The following GTF2A1 variants were observed in gnomAD, a reference collection of about 807,000 sequenced individuals.
GTF2A1 encodes general transcription factor IIA subunit 1.
Under a neutral mutation model 54.1 loss-of-function variants are expected in GTF2A1, and 12 were observed. The ratio of observed to expected loss-of-function variants is 0.22; its 90% confidence interval spans 0.14 to 0.36. GTF2A1 has a LOEUF of 0.36. Ranked by LOEUF, GTF2A1 falls within the 10% of genes least tolerant of loss-of-function variation. GTF2A1 has a pLI of 1.00. For missense variants in GTF2A1, 335 were observed against 442.2 expected, an observed-to-expected ratio of 0.76 and a Z score of 2.17; for synonymous variants, 145 against 152.0, an observed-to-expected ratio of 0.95 and a Z score of 0.34.
At chr14:81,220,367 G>A (rs1283638880) in intron 1 of GTF2A1, 122 bp downstream of exon 1, 2 of 450,662 alleles carry the variant, frequency 4.4e-6, no homozygotes, top group Non-Finnish European at 6.9e-6. Context: ...CGGCGGCGGC[G>A]GCGGCCGCGC....
chr14:81,208,513 C>A (rs976300409), intron 2 of GTF2A1, among the ~76,000 whole-genome samples: 9 of 152,226 alleles, frequency 5.9e-5, no homozygotes, highest in Non-Finnish European at 1.2e-4. Context: ...AGCCCTTACA[C>A]AGAGTCCCTA....
intron 7 of GTF2A1, among the ~76,000 whole-genome samples, chr14:81,188,778 A>G (rs369416429): frequency 0.05 from 41 of 814 alleles, no homozygotes; most frequent in Admixed American, 0.43. Flanking sequence ...CTCTGTCTCG[A>G]AAAAAAAAAA....
chr14:81,212,392 G>A (rs1354193156), intron 2 of GTF2A1, among the ~76,000 whole-genome samples: 2 of 152,018 alleles, frequency 1.3e-5, no homozygotes, highest in African/African-American at 4.8e-5. Context: ...TGAAAACCAG[G>A]GCTGTATTTT....
chr14:81,185,729 T>C lies in GTF2A1; in HGVS notation c.934-109A>G, dbSNP rs1892730120. 1.1e-5 allele frequency: 6 copies of C among 545,492 alleles called. No homozygotes were observed. In the South Asian group the frequency reaches 1.6e-4, roughly 15 times the overall value. 33.8% of individuals were successfully genotyped at this position (545,492 alleles called of 1,614,324 possible). ...TTGAGAACCAAATGCCAAATGCATATATGTACGCCATGAATTTAATATTGT... is the reference window on the plus strand; with the variant it reads ...TTGAGAACCAAATGCCAAATGCATACATGTACGCCATGAATTTAATATTGT... On this transcript the variant is annotated intron_variant, in intron 7 of 8. Coordinates refer to ENST00000553612, the MANE Select transcript of GTF2A1 (RefSeq NM_015859.4).
chr14:81,194,698 A>C (rs56939581), intron 6 of GTF2A1, among the ~76,000 whole-genome samples: 6,400 of 152,318 alleles, frequency 0.042, 465 homozygotes, highest in African/African-American at 0.15. Context: ...TTTTGATGTA[A>C]ATGCAGCTAA....
At chr14:81,197,705 G>GT (rs1040256714) in intron 4 of GTF2A1, among the ~76,000 whole-genome samples, 8 of 152,196 alleles carry the variant, frequency 5.3e-5, no homozygotes, top group South Asian at 2.1e-4. Flanking sequence ...ATATAATTGG[G>GT]TTTTTTCCCC....
intron 1 of GTF2A1, among the ~76,000 whole-genome samples, 195 bp downstream of exon 1, chr14:81,220,294 G>C (rs1893597127): frequency 7.0e-6 from 1 of 143,852 alleles, no homozygotes; most frequent in African/African-American, 2.5e-5. Flanking sequence ...CGCGCCGCGA[G>C]CCCTCGGCGC....
Position 81,217,705 on chromosome 14 carries a change from T to C in GTF2A1, c.31-1191A>G, listed in dbSNP as rs1406890127. Among the ~76,000 whole-genome samples, 3 of 152,112 alleles carry C rather than the reference T, an allele frequency of 2.0e-5. No homozygotes were observed. The East Asian group carries it at 5.8e-4, about 29-fold the overall frequency. ...TGCTTGGGAGGCTGAGGTGGGAGGATGGCTTGAGCCCAGGAGGGAGAGGGT... is the reference window on the plus strand; with the variant it reads ...TGCTTGGGAGGCTGAGGTGGGAGGACGGCTTGAGCCCAGGAGGGAGAGGGT... On this transcript the variant is annotated intron_variant, in intron 1 of 8. Transcript: ENST00000553612.
intron 3 of GTF2A1, 25 bp downstream of exon 3, chr14:81,203,875 A>G: frequency 6.4e-7 from 1 of 1,572,590 alleles, no homozygotes; most frequent in Non-Finnish European, 8.8e-7. Context: ...CCAAGTCATA[A>G]GTAGGAAAAC....
intron 2 of GTF2A1, among the ~76,000 whole-genome samples, chr14:81,216,187 A>G (rs1241314047): frequency 2.0e-5 from 3 of 152,218 alleles, no homozygotes; most frequent in Non-Finnish European, 4.4e-5. Flanking sequence ...AAACAAACCT[A>G]TAAGGTAAGT....
chr14:81,184,131 A>G (rs1359800415), intron 8 of GTF2A1, among the ~76,000 whole-genome samples: 2 of 152,222 alleles, frequency 1.3e-5, no homozygotes, highest in African/African-American at 2.4e-5. Flanking sequence ...CAATTTTAAC[A>G]TTTAAAATAT....
At chr14:81,205,545 G>A (rs1220728070) in intron 2 of GTF2A1, among the ~76,000 whole-genome samples, 2 of 152,188 alleles carry the variant, frequency 1.3e-5, no homozygotes, top group African/African-American at 2.4e-5. Flanking sequence ...TAAAGTTGGT[G>A]ATCAAAATAT....
chr14:81,216,276 CAG>C, intron 2 of GTF2A1, 135 bp downstream of exon 2: 1 of 573,976 alleles, frequency 1.7e-6, no homozygotes, highest in Non-Finnish European at 3.1e-6. Context: ...GAATGCATGG[CAG>C]AGTTGGGATT....
At chr14:81,186,041 CG>C (rs1892737563) in intron 7 of GTF2A1, among the ~76,000 whole-genome samples, 1 of 152,082 alleles carries the variant, frequency 6.6e-6, no homozygotes, top group South Asian at 2.1e-4. Flanking sequence ...TTAGTACAGA[CG>C]GTGTTTCACA....
intron 2 of GTF2A1, among the ~76,000 whole-genome samples, chr14:81,206,444 T>C (rs528097399): frequency 2.6e-5 from 4 of 152,310 alleles, no homozygotes; most frequent in African/African-American, 9.6e-5. Flanking sequence ...TGCCAAACAC[T>C]GTTACAGGCA....
intron 1 of GTF2A1, among the ~76,000 whole-genome samples, 156 bp from the exon 2 acceptor site, chr14:81,216,670 G>A (rs916492096): frequency 5.3e-5 from 8 of 152,198 alleles, no homozygotes; most frequent in African/African-American, 1.9e-4. Context: ...AACTGGATTT[G>A]ATGACTGCAC....
chr14:81,195,154 AGAT>A lies in GTF2A1; in HGVS notation c.612+951_612+953del, dbSNP rs1380645381. Among the ~76,000 whole-genome samples, 8 of 151,302 alleles carry A rather than the reference AGAT, an allele frequency of 5.3e-5. No homozygotes were observed. In the South Asian group the frequency reaches 6.3e-4, roughly 12 times the overall value. The stretch of plus-strand genomic sequence containing the variant: ...CTGTCTCAAAAAAAAAAAAAAAAAA[AGAT>A]GACTATAAATCAGCCAGGTTAGGAG... On this transcript the variant is annotated intron_variant, in intron 6 of 8. Transcript: ENST00000553612.
intron 8 of GTF2A1, among the ~76,000 whole-genome samples, chr14:81,185,300 C>T (rs1223094637): frequency 2.0e-5 from 3 of 152,094 alleles, no homozygotes; most frequent in Non-Finnish European, 4.4e-5. Flanking sequence ...AAAAGAAGAT[C>T]GTAGCTCTTT....
intron 2 of GTF2A1, among the ~76,000 whole-genome samples, chr14:81,215,003 C>T (rs1240371833): frequency 6.6e-6 from 1 of 152,158 alleles, no homozygotes; most frequent in Non-Finnish European, 1.5e-5. Context: ...TAGTTAGTTA[C>T]AATGCAGAAT....
Sources: gnomAD v4.1 joint callset for allele counts (sites outside exome capture counted in the v4.1 genomes callset) on GRCh38, gnomAD v4.1.1 for gene constraint, MANE v1.5 for transcripts, NCBI Gene and HGNC (gene_info 2026-07-23, HGNC 2026-07-21) for gene names.